Variants in SCAPER observed in about 807,000 individuals in gnomAD.
SCAPER encodes S phase cyclin A-associated protein in the endoplasmic reticulum.
A neutral mutation model predicts 182.2 loss-of-function variants in SCAPER; 98 were observed. That is an observed-to-expected ratio of 0.54 (90% CI 0.46 to 0.64). The LOEUF is 0.64. SCAPER is among the 30% of genes least tolerant of loss of function. SCAPER has a pLI of 0.00. For missense variants in SCAPER, 1,432 were observed against 1,690.0 expected, an observed-to-expected ratio of 0.85 and a Z score of 2.68; for synonymous variants, 605 against 564.6, an observed-to-expected ratio of 1.07 and a Z score of -1.01.
chr15:76,544,371 G>A (rs1310696829), intron 23 of SCAPER, among the ~76,000 whole-genome samples: 1 of 152,086 alleles, frequency 6.6e-6, no homozygotes, highest in African/African-American at 2.4e-5. Flanking sequence ...AGTAGTTGTG[G>A]CAGTATTATT....
At chr15:76,563,884 C>T (rs1017151997) in intron 23 of SCAPER, among the ~76,000 whole-genome samples, 22 of 152,138 alleles carry the variant, frequency 1.4e-4, no homozygotes, top group Non-Finnish European at 2.4e-4. Context: ...TGTGACTCCT[C>T]ACATAAACAG....
At chr15:76,441,242 A>G (rs941568940) in intron 25 of SCAPER, among the ~76,000 whole-genome samples, 25 of 152,032 alleles carry the variant, frequency 1.6e-4, no homozygotes, top group African/African-American at 5.8e-4. Context: ...TTTTTATGCC[A>G]CAAACAATGT....
intron 26 of SCAPER, among the ~76,000 whole-genome samples, chr15:76,407,028 A>G (rs2044897426): frequency 6.6e-6 from 1 of 152,228 alleles, no homozygotes; most frequent in South Asian, 2.1e-4. Context: ...AACTTGTTAC[A>G]TGGAGAACAT....
intron 22 of SCAPER, among the ~76,000 whole-genome samples, chr15:76,581,940 A>C (rs2048302626): frequency 6.6e-6 from 1 of 152,134 alleles, no homozygotes; most frequent in South Asian, 2.1e-4. Flanking sequence ...CCCTCAAAAA[A>C]CTGTGTATAG....
chr15:76,561,922 G>T (rs1215907719), intron 23 of SCAPER, among the ~76,000 whole-genome samples: 1 of 151,032 alleles, frequency 6.6e-6, no homozygotes, highest in Non-Finnish European at 1.5e-5. Context: ...AAGGCAGGTG[G>T]ATCACCTGAG....
intron 23 of SCAPER, among the ~76,000 whole-genome samples, chr15:76,524,689 G>GTTTT (rs35944222): frequency 4.0e-5 from 2 of 50,114 alleles, no homozygotes; most frequent in Non-Finnish European, 7.0e-5. Flanking sequence ...TTTTTGTTCT[G>GTTTT]TTTTTTTTTT....
intron 20 of SCAPER, among the ~76,000 whole-genome samples, chr15:76,670,499 A>G (rs2056934844): frequency 6.6e-6 from 1 of 152,166 alleles, no homozygotes; most frequent in Admixed American, 6.5e-5. Flanking sequence ...CTATAGTTCA[A>G]ATTTAAACAA....
chr15:76,667,689 A>T (rs551340220), intron 20 of SCAPER, among the ~76,000 whole-genome samples: 2 of 147,140 alleles, frequency 1.4e-5, no homozygotes, highest in East Asian at 4.1e-4. Flanking sequence ...CAGCAGCTCA[A>T]CACCTGTAAT....
At chr15:76,800,223 G>T in intron 7 of SCAPER, 25 bp downstream of exon 7, 1 of 1,214,744 alleles carries the variant, frequency 8.2e-7, no homozygotes, top group African/African-American at 1.5e-5. Context: ...GCAAGTCTTA[G>T]TAGTTTTTTC....
intron 24 of SCAPER, among the ~76,000 whole-genome samples, chr15:76,492,045 T>C (rs2052370661): frequency 6.6e-6 from 1 of 152,248 alleles, no homozygotes; most frequent in African/African-American, 2.4e-5. Context: ...GGCATCTTTG[T>C]ATCTTATTTG....
At chr15:76,473,044 T>C (rs17364330) in intron 24 of SCAPER, among the ~76,000 whole-genome samples, 1 of 151,826 alleles carries the variant, frequency 6.6e-6, no homozygotes, top group East Asian at 1.9e-4. Flanking sequence ...AAGAGTAGAG[T>C]TTCCATTTCT....
intron 9 of SCAPER, 137 bp downstream of exon 9, chr15:76,774,718 C>T: frequency 3.6e-6 from 3 of 825,018 alleles, no homozygotes; most frequent in Non-Finnish European, 5.5e-6. Flanking sequence ...TCTATTCTTG[C>T]CACTTTTCTG....
At chr15:76,817,042 T>C (rs1477136792) in intron 5 of SCAPER, among the ~76,000 whole-genome samples, 1 of 152,212 alleles carries the variant, frequency 6.6e-6, no homozygotes, top group East Asian at 1.9e-4. Context: ...GGTAGCACCA[T>C]AGGCTTGTTT....
intron 29 of SCAPER, among the ~76,000 whole-genome samples, chr15:76,362,301 G>C (rs1483787516): frequency 6.6e-6 from 1 of 151,634 alleles, no homozygotes; most frequent in Non-Finnish European, 1.5e-5. Flanking sequence ...GGTAAATTTG[G>C]TCATCTGAAA....
intron 15 of SCAPER, among the ~76,000 whole-genome samples, chr15:76,752,486 C>T (rs914770441): frequency 2.0e-5 from 3 of 151,772 alleles, no homozygotes; most frequent in Non-Finnish European, 4.4e-5. Flanking sequence ...ACTCAAATGT[C>T]CATTGAGGTA....
intron 10 of SCAPER, among the ~76,000 whole-genome samples, chr15:76,771,063 G>A (rs2063440399): frequency 6.6e-6 from 1 of 152,030 alleles, no homozygotes; most frequent in Admixed American, 6.5e-5. Context: ...ATAGTCCACA[G>A]CAGCCTTTAA....
rs2040333813 is a variant in SCAPER, at chr15:76,348,740, A to G, written c.4100-4T>C. On this transcript the variant is annotated splice_polypyrimidine_tract_variant and splice_region_variant and intron_variant, in intron 31 of 31. Coordinates refer to ENST00000563290, the MANE Select transcript of SCAPER (RefSeq NM_020843.4). ...TCTTGGGAACCAAGGCATTTCCCTG[A>G]GAGGGGGATAAAAGAGAAAAAAGTT... The G allele has an allele frequency of 1.3e-6, 2 of 1,494,452 alleles. No individual in the cohort carries two copies. Among genetic ancestry groups the G allele is most frequent in the Admixed American group, 2.3e-5 (1 of 42,616 alleles). 92.6% of individuals were successfully genotyped at this position (1,494,452 alleles called of 1,614,324 possible). A position where few individuals can be genotyped will look rare whatever the true frequency, so the allele number is the denominator to read the frequency against.
intron 22 of SCAPER, among the ~76,000 whole-genome samples, chr15:76,607,570 C>G (rs887934389): frequency 6.6e-6 from 1 of 152,172 alleles, no homozygotes; most frequent in Non-Finnish European, 1.5e-5. Context: ...GCCTGCCTTG[C>G]TAGATTGGGG....
chr15:76,514,428 C>A (rs1272192276), intron 23 of SCAPER, among the ~76,000 whole-genome samples: 1 of 152,152 alleles, frequency 6.6e-6, no homozygotes, highest in Non-Finnish European at 1.5e-5. Flanking sequence ...GGAATCCATC[C>A]AATTATTAAC....
Sources: allele counts gnomAD v4.1 joint callset (sites outside exome capture counted in the v4.1 genomes callset), GRCh38; gene constraint gnomAD v4.1.1; transcripts MANE v1.5; gene names NCBI Gene and HGNC (gene_info 2026-07-23, HGNC 2026-07-21).